Variants in PLCB4 observed in about 807,000 individuals in gnomAD.
PLCB4 encodes the protein 1-phosphatidylinositol 4,5-bisphosphate phosphodiesterase beta-4.
A neutral mutation model predicts 178.8 loss-of-function variants in PLCB4; 77 were observed. The observed-to-expected ratio is 0.43, with a 90% CI of 0.36 to 0.52. PLCB4 has a LOEUF of 0.52. Ranked by LOEUF, PLCB4 falls within the 20% of genes least tolerant of loss-of-function variation. The pLI is 0.00. For synonymous variants in PLCB4, 496 were observed against 490.8 expected (o/e 1.01, Z -0.14); for missense variants, 1,024 against 1,453.4 (o/e 0.70, Z 4.80).
At chr20:9,449,181 A>G (rs952726615) in intron 32 of PLCB4, among the ~76,000 whole-genome samples, 1 of 152,174 alleles carries the variant, frequency 6.6e-6, no homozygotes, top group African/African-American at 2.4e-5. Context: ...TTAATTAACA[A>G]TAATCCTCCC....
chr20:9,442,538 T>C (rs2042172078), intron 30 of PLCB4, among the ~76,000 whole-genome samples: 2 of 152,074 alleles, frequency 1.3e-5, no homozygotes, highest in South Asian at 4.1e-4. Context: ...AAAATAAAAA[T>C]TGAGAGAGAG....
intron 1 of PLCB4, among the ~76,000 whole-genome samples, chr20:9,090,121 T>C (rs1489774334): frequency 1.3e-5 from 2 of 152,146 alleles, no homozygotes; most frequent in Admixed American, 6.6e-5. Context: ...GAAGCCTGTT[T>C]TTTAAAATCA....
At chr20:9,475,095 G>GA (rs2044458248) in intron 38 of PLCB4, among the ~76,000 whole-genome samples, 1 of 152,230 alleles carries the variant, frequency 6.6e-6, no homozygotes, top group African/African-American at 2.4e-5. Context: ...ATGCCTTGGA[G>GA]AAGGTTTTTA....
At chr20:9,288,655 T>C (rs377542531) in intron 3 of PLCB4, among the ~76,000 whole-genome samples, 18 of 151,882 alleles carry the variant, frequency 1.2e-4, no homozygotes, top group African/African-American at 4.1e-4. Context: ...GGGAGAATAC[T>C]GAGAGCCAAA....
At chr20:9,073,310 C>G (rs1266956247) in intron 1 of PLCB4, among the ~76,000 whole-genome samples, 1 of 152,186 alleles carries the variant, frequency 6.6e-6, no homozygotes, top group Non-Finnish European at 1.5e-5. Flanking sequence ...TGACATCTCC[C>G]TTTCTTCTCT....
intron 35 of PLCB4, among the ~76,000 whole-genome samples, chr20:9,467,879 T>C (rs1203402571): frequency 2.0e-5 from 3 of 152,220 alleles, no homozygotes; most frequent in African/African-American, 7.2e-5. Context: ...TTTGTAATAA[T>C]ATACTATGTA....
intron 24 of PLCB4, among the ~76,000 whole-genome samples, chr20:9,410,306 G>C (rs2039768201): frequency 6.6e-6 from 1 of 152,180 alleles, no homozygotes; most frequent in Non-Finnish European, 1.5e-5. Flanking sequence ...CTGGGGCCCA[G>C]TAACAAGGCT....
Position 9,271,903 on chromosome 20 carries a change from G to A in PLCB4, c.-15-35897G>A, listed in dbSNP as rs1030523402. On this transcript the variant is annotated intron_variant, in intron 3 of 39. Transcript: ENST00000378473. Reference sequence around the variant, plus strand: ...TTAAGAAGGCATCATGGGGCTGGGTGTGGGGGCTCACACCTATAATCTGAG... The same window carrying A: ...TTAAGAAGGCATCATGGGGCTGGGTATGGGGGCTCACACCTATAATCTGAG... 5.3e-5 allele frequency among the ~76,000 whole-genome samples: 8 copies of A among 152,038 alleles called. 1 individual carries two copies. Among genetic ancestry groups the A allele is most frequent in the African/African-American group, 7.2e-5 (3 of 41,496 alleles).
At chr20:9,248,243 T>C (rs921997822) in intron 3 of PLCB4, among the ~76,000 whole-genome samples, 1 of 152,268 alleles carries the variant, frequency 6.6e-6, no homozygotes, top group Non-Finnish European at 1.5e-5. Context: ...CCATGTACTG[T>C]GATTAATACT....
intron 2 of PLCB4, among the ~76,000 whole-genome samples, chr20:9,145,427 C>T (rs1030784712): frequency 1.3e-5 from 2 of 151,958 alleles, no homozygotes; most frequent in Non-Finnish European, 2.9e-5. Flanking sequence ...TTGACAAGTG[C>T]TCTCACATCA....
At chr20:9,388,449 T>A (rs1421910499) in intron 15 of PLCB4, among the ~76,000 whole-genome samples, 1 of 152,174 alleles carries the variant, frequency 6.6e-6, no homozygotes, top group African/African-American at 2.4e-5. Context: ...CTGGGCGTGG[T>A]GGCTCATGCC....
chr20:9,444,387 G>T (rs914196411), intron 32 of PLCB4, 144 bp downstream of exon 32: 2 of 587,418 alleles, frequency 3.4e-6, no homozygotes, highest in Non-Finnish European at 6.1e-6. Context: ...AAATAGAATC[G>T]GTTTGGGAGT....
chr20:9,417,546 G>A lies in PLCB4; in HGVS notation c.2052-2261G>A, dbSNP rs182357692. Among the ~76,000 whole-genome samples, 76 of 151,990 alleles carry A rather than the reference G, an allele frequency of 5.0e-4. 2 individuals carry two copies. In the East Asian group the frequency reaches 0.013, roughly 26 times the overall value. On this transcript the variant is annotated intron_variant, in intron 25 of 39. Coordinates refer to ENST00000378473, the MANE Select transcript of PLCB4 (RefSeq NM_001377142.1). Reference sequence around the variant, plus strand: ...GTATCAATACTTTATTATTTTTATTGCTGAATAATTTTCCATTGTATGGAT... The same window carrying A: ...GTATCAATACTTTATTATTTTTATTACTGAATAATTTTCCATTGTATGGAT...
chr20:9,078,948 T>C (rs1057114019), intron 1 of PLCB4, among the ~76,000 whole-genome samples: 12 of 152,222 alleles, frequency 7.9e-5, no homozygotes, highest in African/African-American at 2.9e-4. Flanking sequence ...ACTCATTTTT[T>C]AAGAAAAATT....
At chr20:9,429,121 A>G (rs1474003978) in intron 28 of PLCB4, among the ~76,000 whole-genome samples, 4 of 152,216 alleles carry the variant, frequency 2.6e-5, no homozygotes, top group South Asian at 2.1e-4. Context: ...TTAAATCTTA[A>G]TGAAAGAACC....
intron 32 of PLCB4, among the ~76,000 whole-genome samples, chr20:9,450,141 C>A (rs568712812): frequency 1.3e-5 from 2 of 152,282 alleles, no homozygotes; most frequent in African/African-American, 4.8e-5. Context: ...TTAAGATTTA[C>A]TTTAAGTTAA....
At chr20:9,216,342 C>T (rs186606180) in intron 2 of PLCB4, among the ~76,000 whole-genome samples, 3,992 of 151,476 alleles carry the variant, frequency 0.026, 80 homozygotes, top group African/African-American at 0.034. Flanking sequence ...CTCAGCCTCC[C>T]GAGTAGCTGG....
chr20:9,385,020 A>T (rs1408738101), intron 14 of PLCB4, among the ~76,000 whole-genome samples: 1 of 152,142 alleles, frequency 6.6e-6, no homozygotes, highest in African/African-American at 2.4e-5. Flanking sequence ...CTTAACTAGC[A>T]TGCTGCCTTC....
intron 2 of PLCB4, among the ~76,000 whole-genome samples, chr20:9,160,114 G>A (rs576329095): frequency 2.2e-4 from 33 of 152,296 alleles, no homozygotes; most frequent in Non-Finnish European, 2.9e-4. Flanking sequence ...ATCCAACTCC[G>A]TTTGGTGGCA....
Sources: allele counts gnomAD v4.1 joint callset (sites outside exome capture counted in the v4.1 genomes callset), GRCh38; gene constraint gnomAD v4.1.1; transcripts MANE v1.5; gene names NCBI Gene and HGNC (gene_info 2026-07-23, HGNC 2026-07-21).